The following IGFBP2 variants were observed in gnomAD, a reference collection of about 807,000 sequenced individuals.
IGFBP2 encodes the protein insulin-like growth factor-binding protein 2.
In IGFBP2, 12 loss-of-function variants were observed where a neutral mutation model predicts 26.2. That is an observed-to-expected ratio of 0.46 (90% CI 0.29 to 0.74). The LOEUF is 0.74. Among genes scored for constraint, IGFBP2 ranks in the 30% least tolerant of loss-of-function variants. The pLI is 0.09. For missense variants in IGFBP2, 328 were observed against 441.2 expected (o/e 0.74, Z 2.30); for synonymous variants, 189 against 200.6 (o/e 0.94, Z 0.49).
At chr2:216,635,480 A>G (rs1051525042) in intron 1 of IGFBP2, among the ~76,000 whole-genome samples, 1 of 152,128 alleles carries the variant, frequency 6.6e-6, no homozygotes, top group Non-Finnish European at 1.5e-5. Context: ...TTCTGAGCTG[A>G]ACTCTGACAA....
intron 1 of IGFBP2, among the ~76,000 whole-genome samples, chr2:216,637,477 G>C (rs1368735953): frequency 6.6e-6 from 1 of 152,196 alleles, no homozygotes. Context: ...TGCAGAATCC[G>C]GGTCTTCTTT....
intron 1 of IGFBP2, among the ~76,000 whole-genome samples, chr2:216,648,495 A>G (rs1030634086): frequency 1.2e-4 from 18 of 152,198 alleles, no homozygotes; most frequent in African/African-American, 4.3e-4. Context: ...GAAGTCCGCC[A>G]TGTCACTATC....
At position 216,662,185 on chromosome 2, in the gene IGFBP2, C is replaced by T. The variant is rs1032240406; in HGVS notation, c.813+187C>T. The T allele has an allele frequency of 2.9e-5, 19 of 651,660 alleles. 1 individual carries two copies. The highest frequency in any genetic ancestry group is 4.9e-5 in the Non-Finnish European group (19 of 386,260). 40.4% of individuals were successfully genotyped at this position (651,660 alleles called of 1,614,324 possible). On this transcript the variant is annotated intron_variant, in intron 3 of 3. Coordinates refer to ENST00000233809, the MANE Select transcript of IGFBP2 (RefSeq NM_000597.3). The stretch of plus-strand genomic sequence containing the variant: ...GGGGAGGGTGCAGCTCTTCTCCCTG[C>T]CTCCGACGGGTCAGTTGCTGGCTCC...
At chr2:216,651,844 C>G (rs917270335) in intron 1 of IGFBP2, among the ~76,000 whole-genome samples, 5 of 152,118 alleles carry the variant, frequency 3.3e-5, no homozygotes, top group Non-Finnish European at 7.4e-5. Context: ...AAGAAGTGAA[C>G]TCCGCCTGCT....
At chr2:216,654,249 G>A (rs1479510054) in intron 1 of IGFBP2, among the ~76,000 whole-genome samples, 2 of 152,128 alleles carry the variant, frequency 1.3e-5, no homozygotes, top group Non-Finnish European at 2.9e-5. Flanking sequence ...GAGGAGGGGC[G>A]CTATGTGGGT....
intron 1 of IGFBP2, 106 bp from the exon 2 acceptor site, chr2:216,660,451 C>G (rs560840454): frequency 1.3e-6 from 1 of 757,320 alleles, no homozygotes; most frequent in East Asian, 2.7e-5. Flanking sequence ...TCATTAGCCG[C>G]GCGTCATCTC....
At chr2:216,637,388 C>G (rs1241872473) in intron 1 of IGFBP2, among the ~76,000 whole-genome samples, 1 of 152,204 alleles carries the variant, frequency 6.6e-6, no homozygotes, top group African/African-American at 2.4e-5. Flanking sequence ...CCGACAGATT[C>G]TGGACCAGTG....
chr2:216,646,687 CAA>C (rs1419511764), intron 1 of IGFBP2, among the ~76,000 whole-genome samples: 2 of 152,176 alleles, frequency 1.3e-5, no homozygotes, highest in Non-Finnish European at 1.5e-5. Flanking sequence ...TGGTGGCAGA[CAA>C]GAGAGCTTGT....
intron 1 of IGFBP2, among the ~76,000 whole-genome samples, chr2:216,643,174 A>G (rs1697649332): frequency 6.6e-6 from 1 of 152,214 alleles, no homozygotes; most frequent in Non-Finnish European, 1.5e-5. Flanking sequence ...ATCCTGGCAA[A>G]TAAATTGGAA....
intron 2 of IGFBP2, 46 bp from the exon 3 acceptor site, chr2:216,661,812 G>A (rs1178398801): frequency 1.2e-6 from 2 of 1,611,824 alleles, no homozygotes; most frequent in Admixed American, 1.7e-5. Flanking sequence ...TGCTTCGTGG[G>A]CCTGCTGTCC....
chr2:216,658,034 G>C (rs867515169), intron 1 of IGFBP2, among the ~76,000 whole-genome samples: 28 of 152,210 alleles, frequency 1.8e-4, no homozygotes, highest in Admixed American at 6.5e-4. Context: ...CTTGTTTTGG[G>C]CTGTAAGACA....
intron 1 of IGFBP2, among the ~76,000 whole-genome samples, chr2:216,653,756 T>G: frequency 6.6e-6 from 1 of 152,300 alleles, no homozygotes; most frequent in East Asian, 1.9e-4. Flanking sequence ...CTAATGGCTC[T>G]GGGGTTGTCT....
intron 1 of IGFBP2, among the ~76,000 whole-genome samples, chr2:216,634,361 G>A (rs1165496542): frequency 6.6e-6 from 1 of 152,090 alleles, no homozygotes. Context: ...TGGTGGGATC[G>A]CTGCTGGGAG....
intron 2 of IGFBP2, chr2:216,661,282 TGGTGGAAATGTGGG>T (rs1184082486): frequency 2.8e-5 from 7 of 250,450 alleles, no homozygotes; most frequent in Non-Finnish European, 5.5e-5. Flanking sequence ...TTGTATTTTT[TGGTGGAAATGTGGG>T]TCTCACTATG....
At chr2:216,660,820 G>C (rs1219543245) in intron 2 of IGFBP2, 34 bp downstream of exon 2, 1 of 1,517,382 alleles carries the variant, frequency 6.6e-7, no homozygotes, top group Admixed American at 2.0e-5. Flanking sequence ...GAAGGGGTGG[G>C]AGGACAAGGA....
At chr2:216,641,501 C>T (rs1352121741) in intron 1 of IGFBP2, among the ~76,000 whole-genome samples, 1 of 152,132 alleles carries the variant, frequency 6.6e-6, no homozygotes, top group Non-Finnish European at 1.5e-5. Flanking sequence ...ATCTCTTCAC[C>T]TATGAATGGA....
chr2:216,644,669 CA>C (rs1222664412), intron 1 of IGFBP2, among the ~76,000 whole-genome samples: 1 of 152,196 alleles, frequency 6.6e-6, no homozygotes, highest in African/African-American at 2.4e-5. Flanking sequence ...CAGTGATAAA[CA>C]AAATGGCTTT....
intron 1 of IGFBP2, among the ~76,000 whole-genome samples, chr2:216,634,892 C>CTTTTTTTTTTTTT (rs1191096035): frequency 3.4e-4 from 8 of 23,816 alleles, no homozygotes; most frequent in South Asian, 3.2e-3. Context: ...AAGGAGGTTA[C>CTTTTTTTTTTTTT]TTTTTTTTTT....
chr2:216,662,718 C>G (rs1688682053), intron 3 of IGFBP2: 2 of 137,738 alleles, frequency 1.5e-5, no homozygotes, highest in Non-Finnish European at 3.0e-5. Context: ...TCGCTCTTGT[C>G]TCCCAGGCTG....
Sources: gnomAD v4.1 joint callset for allele counts (sites outside exome capture counted in the v4.1 genomes callset) on GRCh38, gnomAD v4.1.1 for gene constraint, MANE v1.5 for transcripts, NCBI Gene and HGNC (gene_info 2026-07-23, HGNC 2026-07-21) for gene names.